The following CCDC178 variants were observed in gnomAD, a reference collection of about 807,000 sequenced individuals.
CCDC178 encodes coiled-coil domain containing 178, also known as coiled-coil domain-containing protein 178.
In CCDC178, 126 loss-of-function variants were observed where a neutral mutation model predicts 117.4. That is an observed-to-expected ratio of 1.07 (90% confidence interval 0.93 to 1.24). The LOEUF (loss-of-function observed/expected upper bound fraction) is 1.24, where lower values mean the gene tolerates loss of function less well. Among genes scored for constraint, CCDC178 ranks in the 50% most tolerant of loss-of-function variants. The pLI is 0.00. For missense variants in CCDC178, 1,030 were observed against 986.9 expected (o/e 1.04, Z -0.59); for synonymous variants, 283 against 313.4 (o/e 0.90, Z 1.02).
rs1031004017 is a variant in CCDC178 at position 33,101,618 on chromosome 18, C to A, written c.2239-8708G>T. On this transcript the variant is annotated intron_variant, in intron 20 of 22. Transcript: ENST00000383096. ...GATACAGATTCCAATACAATAACCA[C>A]AACTTATTCTAATTATGCAACTTTA... Among the ~76,000 whole-genome samples the A allele has an allele frequency of 2.0e-5, 3 of 151,888 alleles. No individual in the cohort carries two copies. The East Asian group carries it at 5.8e-4, about 30-fold the overall frequency.
intron 14 of CCDC178, among the ~76,000 whole-genome samples, chr18:33,261,363 T>A (rs112423398): frequency 5.9e-5 from 9 of 152,028 alleles, no homozygotes; most frequent in African/African-American, 2.2e-4. Context: ...GACTACAGGC[T>A]TGAGCCACCA....
At chr18:33,058,373 G>A (rs1278361285) in intron 21 of CCDC178, among the ~76,000 whole-genome samples, 1 of 152,128 alleles carries the variant, frequency 6.6e-6, no homozygotes, top group African/African-American at 2.4e-5. Context: ...AACATATTAC[G>A]CTAATAAAAG....
In CCDC178 at chr18:33,115,568, A is replaced by T. The variant is rs1052339118; in HGVS notation, c.2239-22658T>A. On this transcript the variant is annotated intron_variant, in intron 20 of 22. Transcript: ENST00000383096. The stretch of plus-strand genomic sequence containing the variant: ...TCAAATACTGACTACAGTTTTAGTA[A>T]TCACCGAACAAAGATTGTATTTTTC... Among the ~76,000 whole-genome samples, 5 of 152,050 alleles carry T rather than the reference A, an allele frequency of 3.3e-5. No homozygotes were observed. The South Asian group carries it at 1.0e-3, about 32-fold the overall frequency.
chr18:33,039,241 T>C (rs114968765), intron 21 of CCDC178, among the ~76,000 whole-genome samples: 3,182 of 152,076 alleles, frequency 0.021, 51 homozygotes, highest in African/African-American at 0.048. Flanking sequence ...GACCAAAGCA[T>C]TTCTAATTGG....
chr18:33,076,180 C>T (rs948483381), intron 21 of CCDC178, among the ~76,000 whole-genome samples: 9 of 152,180 alleles, frequency 5.9e-5, no homozygotes, highest in Non-Finnish European at 1.0e-4. Context: ...GGTGGCCCCA[C>T]GCCTTGCTCA....
chr18:33,003,649 A>G (rs1350977900), intron 21 of CCDC178, among the ~76,000 whole-genome samples: 3 of 152,108 alleles, frequency 2.0e-5, no homozygotes, highest in Non-Finnish European at 4.4e-5. Flanking sequence ...CTTTCACCAT[A>G]GTTATTCAAC....
intron 5 of CCDC178, among the ~76,000 whole-genome samples, chr18:33,382,453 A>G (rs1350968724): frequency 6.6e-6 from 1 of 152,148 alleles, no homozygotes; most frequent in East Asian, 1.9e-4. Context: ...CCAACATGGA[A>G]GGTGGGTGAT....
chr18:33,016,115 C>G (rs947835526), intron 21 of CCDC178, among the ~76,000 whole-genome samples: 1 of 151,948 alleles, frequency 6.6e-6, no homozygotes, highest in African/African-American at 2.4e-5. Context: ...CATAGTCAAA[C>G]TTCTGAAAGA....
intron 2 of CCDC178, among the ~76,000 whole-genome samples, chr18:33,415,014 C>T (rs535412053): frequency 1.3e-5 from 2 of 152,272 alleles, no homozygotes; most frequent in South Asian, 2.1e-4. Flanking sequence ...CCATCTCACA[C>T]CAGTTAGAAT....
chr18:32,948,253 A>T (rs1435081412), intron 22 of CCDC178, among the ~76,000 whole-genome samples: 5 of 152,100 alleles, frequency 3.3e-5, no homozygotes, highest in African/African-American at 1.2e-4. Context: ...TGGAATTTCG[A>T]TTCAGATTGT....
intron 21 of CCDC178, among the ~76,000 whole-genome samples, chr18:33,022,250 A>G (rs1011065440): frequency 6.6e-6 from 1 of 152,182 alleles, no homozygotes; most frequent in African/African-American, 2.4e-5. Context: ...CACATTAACC[A>G]GGCTTTCTCA....
intron 15 of CCDC178, among the ~76,000 whole-genome samples, chr18:33,231,728 G>C (rs1457664962): frequency 6.6e-6 from 1 of 152,126 alleles, no homozygotes; most frequent in Non-Finnish European, 1.5e-5. Context: ...CCACCAGCTG[G>C]TGTGTGGGGA....
At chr18:33,193,211 C>G (rs1365271237) in intron 20 of CCDC178, among the ~76,000 whole-genome samples, 1 of 135,304 alleles carries the variant, frequency 7.4e-6, no homozygotes, top group Admixed American at 8.4e-5. Context: ...TGCAGTGAGC[C>G]GAGATCGCGC....
intron 21 of CCDC178, among the ~76,000 whole-genome samples, chr18:33,066,483 C>T (rs1319302965): frequency 6.6e-6 from 1 of 152,064 alleles, no homozygotes; most frequent in Non-Finnish European, 1.5e-5. Flanking sequence ...AAAATGATAG[C>T]AATAAGTCCC....
intron 20 of CCDC178, among the ~76,000 whole-genome samples, chr18:33,094,014 G>A (rs1008278490): frequency 8.6e-5 from 13 of 151,932 alleles, no homozygotes; most frequent in South Asian, 2.1e-4. Flanking sequence ...GTTGCCATGC[G>A]AGAATGTGTA....
In CCDC178 at chr18:32,964,831, CTGTT is replaced by C. The variant is rs1378282113; in HGVS notation, c.2523+9712_2523+9715del. 3.3e-5 allele frequency among the ~76,000 whole-genome samples: 5 copies of C among 152,080 alleles called. No individual in the cohort carries two copies. The South Asian group carries it at 1.0e-3, about 32-fold the overall frequency. ...TTTTTAAAAAAGTTTACCCTTTGAA[CTGTT>C]TATTTACACAAGCATTAATGCAAAA... is the stretch of plus-strand genomic sequence containing the variant. On this transcript the variant is annotated intron_variant, in intron 22 of 22. Transcript: ENST00000383096.
chr18:33,268,098 T>A (rs1295564207), intron 12 of CCDC178, among the ~76,000 whole-genome samples: 1 of 151,780 alleles, frequency 6.6e-6, no homozygotes, highest in Non-Finnish European at 1.5e-5. Context: ...CTCCCAACAT[T>A]ACTGTAAAAA....
intron 2 of CCDC178, among the ~76,000 whole-genome samples, chr18:33,423,878 T>C (rs962398736): frequency 6.6e-6 from 1 of 152,238 alleles, no homozygotes; most frequent in African/African-American, 2.4e-5. Flanking sequence ...AAGTCAATGA[T>C]GGTAAGTGCC....
chr18:33,018,191 ATTATTAG>A (rs1165343338), intron 21 of CCDC178, among the ~76,000 whole-genome samples: 1 of 152,070 alleles, frequency 6.6e-6, no homozygotes, highest in African/African-American at 2.4e-5. Flanking sequence ...GATGCTAAAC[ATTATTAG>A]TCATTTGAGA....
Sources: gnomAD v4.1 joint callset for allele counts (sites outside exome capture counted in the v4.1 genomes callset) on GRCh38, gnomAD v4.1.1 for gene constraint, MANE v1.5 for transcripts, NCBI Gene and HGNC (gene_info 2026-07-23, HGNC 2026-07-21) for gene names.